The following PTGIS variants were observed in gnomAD, a reference collection of about 807,000 sequenced individuals.
The protein encoded by PTGIS is prostaglandin I2 synthase.
Under a neutral mutation model 50.3 loss-of-function variants are expected in PTGIS, and 45 were observed. The observed-to-expected ratio is 0.90, with a 90% CI of 0.70 to 1.15. The LOEUF (loss-of-function observed/expected upper bound fraction) is 1.15. Among genes scored for constraint, PTGIS ranks in the 50% most tolerant of loss-of-function variants. The pLI, the probability that PTGIS is intolerant of heterozygous loss-of-function variation, is 0.00. For synonymous variants in PTGIS, 260 were observed against 267.7 expected (o/e 0.97, Z 0.28); for missense variants, 668 against 661.3 (o/e 1.01, Z -0.11).
intron 5 of PTGIS, among the ~76,000 whole-genome samples, chr20:49,534,915 A>G (rs542339587): frequency 7.6e-4 from 115 of 152,252 alleles, no homozygotes; most frequent in African/African-American, 2.6e-3. Flanking sequence ...CTGAGTTGGG[A>G]GGATCGCTTG....
At chr20:49,516,177 C>T (rs1042208294) in intron 6 of PTGIS, among the ~76,000 whole-genome samples, 4 of 151,958 alleles carry the variant, frequency 2.6e-5, no homozygotes, top group Admixed American at 1.3e-4. Flanking sequence ...ACACCAGAAA[C>T]GGGTAACTGA....
chr20:49,526,881 G>T (rs1045501299), intron 5 of PTGIS, among the ~76,000 whole-genome samples: 2 of 152,218 alleles, frequency 1.3e-5, no homozygotes, highest in East Asian at 3.8e-4. Flanking sequence ...TGGTGGGAAT[G>T]TAAAATACTG....
chr20:49,538,502 A>G (rs1214998097), intron 5 of PTGIS, among the ~76,000 whole-genome samples: 1 of 152,122 alleles, frequency 6.6e-6, no homozygotes, highest in African/African-American at 2.4e-5. Context: ...GAGTGAAAGA[A>G]GCCAGGCATA....
chr20:49,566,946 G>A (rs1349495061), intron 1 of PTGIS, among the ~76,000 whole-genome samples: 2 of 152,184 alleles, frequency 1.3e-5, no homozygotes, highest in African/African-American at 2.4e-5. Context: ...TAACAATAGG[G>A]AAAACGGGGT....
chr20:49,526,335 G>GCACACAACT lies in PTGIS; in HGVS notation c.674-2097_674-2096insAGTTGTGTG, dbSNP rs1366780482. Reference sequence around the variant, plus strand: ...ATTTAACACAGCTTTAGAAATAACTGGCATTCTTTGAAGTCTGACCACACA... The same window carrying GCACACAACT: ...ATTTAACACAGCTTTAGAAATAACTGCACACAACTGCATTCTTTGAAGTCTGACCACACA... On this transcript the variant is annotated intron_variant, in intron 5 of 9. Transcript: ENST00000244043. Among the ~76,000 whole-genome samples the GCACACAACT allele has an allele frequency of 2.0e-3, 297 of 152,282 alleles. 1 individual carries two copies. Among genetic ancestry groups the GCACACAACT allele is most frequent in the African/African-American group, 7.0e-3 (291 of 41,550 alleles).
intron 4 of PTGIS, among the ~76,000 whole-genome samples, chr20:49,541,211 G>A (rs564146278): frequency 1.6e-4 from 25 of 152,030 alleles, no homozygotes; most frequent in Non-Finnish European, 2.5e-4. Flanking sequence ...GCTGACCTGC[G>A]GTCCCACCTG....
rs572325640 is a variant in PTGIS, at chr20:49,512,260, G to C, written c.1206+820C>G. 7.9e-5 allele frequency among the ~76,000 whole-genome samples: 12 copies of C among 152,042 alleles called. No individual in the cohort carries two copies. In the East Asian group the frequency reaches 1.5e-3, roughly 20 times the overall value. On this transcript the variant is annotated intron_variant, in intron 8 of 9. Coordinates refer to ENST00000244043, the MANE Select transcript of PTGIS (RefSeq NM_000961.4). ...GCATGGATGCATGGGTGGATGGATA[G>C]ATTAATGGATGGATGGGTGAATTTG...
intron 1 of PTGIS, among the ~76,000 whole-genome samples, chr20:49,567,254 T>A (rs1982922503): frequency 6.6e-6 from 1 of 152,244 alleles, no homozygotes; most frequent in Admixed American, 6.5e-5. Flanking sequence ...AGCTATCTCC[T>A]TGATTTGAGG....
rs1448663298 is a variant in PTGIS at position 49,513,060 on chromosome 20, C to T, written c.1206+20G>A. The T allele has an allele frequency of 1.2e-6, 2 of 1,613,898 alleles. No homozygotes were observed. The highest frequency in any genetic ancestry group is 1.7e-6 in the Non-Finnish European group (2 of 1,179,920). On this transcript the variant is annotated intron_variant, in intron 8 of 9. Transcript: ENST00000244043. ...TGTTCTCCCACAGACCCCATATGAC[C>T]AGGCGCCCCTGCCATTTACCTCTGG...
At chr20:49,557,379 C>G (rs906189165) in intron 1 of PTGIS, among the ~76,000 whole-genome samples, 4 of 151,896 alleles carry the variant, frequency 2.6e-5, no homozygotes, top group Non-Finnish European at 5.9e-5. Context: ...TCACTTGAGC[C>G]TAGGAGTTCA....
intron 5 of PTGIS, among the ~76,000 whole-genome samples, chr20:49,524,926 T>C (rs1981757295): frequency 6.6e-6 from 1 of 152,206 alleles, no homozygotes; most frequent in South Asian, 2.1e-4. Context: ...AGCAAAACTA[T>C]ATCATGCATT....
chr20:49,521,809 G>C (rs1397893269), intron 6 of PTGIS, among the ~76,000 whole-genome samples: 1 of 152,110 alleles, frequency 6.6e-6, no homozygotes, highest in Non-Finnish European at 1.5e-5. Context: ...TCAGGAGAGA[G>C]GGCAGGAACC....
chr20:49,507,586 G>A lies in PTGIS; in HGVS notation c.*334C>T. 1 of 398,642 alleles carries A rather than the reference G, an allele frequency of 2.5e-6. No homozygotes were observed. The highest frequency in any genetic ancestry group is 2.2e-5 in the South Asian group (1 of 46,418). The allele number at this position is 398,642 out of a possible 1,614,324, so 24.7% of individuals were successfully genotyped here. On this transcript the variant is annotated 3_prime_UTR_variant, in exon 10 of 10. Coordinates refer to ENST00000244043, the MANE Select transcript of PTGIS (RefSeq NM_000961.4). ...AGGAAGGTGACACCTCCGGGAGTTG[G>A]GGGCAGAGCAGTGAAGACTCCTAGT...
chr20:49,547,785 G>A, intron 3 of PTGIS, 56 bp downstream of exon 3: 1 of 1,574,416 alleles, frequency 6.4e-7, no homozygotes, highest in Non-Finnish European at 8.7e-7. Flanking sequence ...GGCCACATGA[G>A]TAGAAATGAG....
chr20:49,544,467 G>A lies in PTGIS; in HGVS notation c.378-19C>T. The A allele has an allele frequency of 6.2e-7, 1 of 1,614,082 alleles. No individual in the cohort carries two copies. The highest frequency in any genetic ancestry group is 1.1e-5 in the South Asian group (1 of 91,078). On this transcript the variant is annotated intron_variant, in intron 3 of 9. Coordinates refer to ENST00000244043, the MANE Select transcript of PTGIS (RefSeq NM_000961.4). ...AAGAGTCCTGAGGCAGGAAACAAAA[G>A]CATGAAAATTTGGCTTCCAAAGGGA...
chr20:49,510,473 A>T (rs1981283206), intron 9 of PTGIS, among the ~76,000 whole-genome samples: 1 of 152,180 alleles, frequency 6.6e-6, no homozygotes, highest in African/African-American at 2.4e-5. Context: ...CTCATTTTAC[A>T]GTTGAGGAAA....
At chr20:49,531,005 C>A (rs1981921118) in intron 5 of PTGIS, among the ~76,000 whole-genome samples, 2 of 152,124 alleles carry the variant, frequency 1.3e-5, no homozygotes, top group Admixed American at 6.6e-5. Context: ...GTGATCTGCC[C>A]AACTCGGCCT....
Position 49,524,877 on chromosome 20 carries a change from T to G in PTGIS, c.674-638A>C, listed in dbSNP as rs1188894364. ...TCCCTCCCACAACACATGAGAATTA[T>G]GGGAGCTACAGTTCAAGATGAGATT... On this transcript the variant is annotated intron_variant, in intron 5 of 9. Transcript: ENST00000244043. 2.6e-5 allele frequency among the ~76,000 whole-genome samples: 4 copies of G among 152,216 alleles called. No homozygotes were observed. The East Asian group carries it at 7.7e-4, about 29-fold the overall frequency.
At chr20:49,567,298 T>A (rs1982923536) in intron 1 of PTGIS, among the ~76,000 whole-genome samples, 1 of 152,212 alleles carries the variant, frequency 6.6e-6, no homozygotes, top group Admixed American at 6.5e-5. Flanking sequence ...TCACAGATGC[T>A]CAATGGAGCT....
Sources: gnomAD v4.1 joint callset for allele counts (sites outside exome capture counted in the v4.1 genomes callset) on GRCh38, gnomAD v4.1.1 for gene constraint, MANE v1.5 for transcripts, NCBI Gene and HGNC (gene_info 2026-07-23, HGNC 2026-07-21) for gene names.